Variants in FAM83H observed in about 807,000 individuals in gnomAD.
FAM83H encodes the protein protein FAM83H.
Under a neutral mutation model 30.2 loss-of-function variants are expected in FAM83H, and 24 were observed. The observed-to-expected ratio is 0.79, with a 90% CI of 0.57 to 1.12. FAM83H has a LOEUF of 1.12. Among genes scored for constraint, FAM83H ranks in the 50% most tolerant of loss-of-function variants. FAM83H has a pLI of 0.00. For synonymous variants in FAM83H, 1,013 were observed against 821.7 expected, an observed-to-expected ratio of 1.23 and a Z score of -3.98; for missense variants, 2,038 against 1,773.9, an observed-to-expected ratio of 1.15 and a Z score of -2.67.
At position 143,728,297 on chromosome 8, in the gene FAM83H, C is replaced by T. The variant is rs1248036038; in HGVS notation, c.1164G>A (p.Gly388=). The T allele has an allele frequency of 4.7e-6, 7 of 1,476,530 alleles. No homozygotes were observed. In the East Asian group the frequency reaches 1.7e-4, roughly 36 times the overall value. The allele number at this position is 1,476,530 out of a possible 1,614,324, so 91.5% of individuals were successfully genotyped here. Residue 388 remains glycine (G), a synonymous_variant, in exon 5 of 5, where the codon GGG becomes GGA. Coordinates refer to ENST00000388913, the MANE Select transcript of FAM83H (RefSeq NM_198488.5). ...RRLEAEAGPA[G]ELAGARGFFQ... Reference sequence around the variant, plus strand: ...AGAAGCCCCGCGCGCCCGCGAGCTCCCCAGCCGGCCCGGCCTCGGCCTCCA... The same window carrying T: ...AGAAGCCCCGCGCGCCCGCGAGCTCTCCAGCCGGCCCGGCCTCGGCCTCCA...
In FAM83H at chr8:143,730,547, G is replaced by C. The variant is rs578070840; in HGVS notation, c.36C>G (p.Asp12Glu). ...ARRSQSSSQGDNPLAPGYLPP... is the reference protein window; with the variant it reads ...ARRSQSSSQGENPLAPGYLPP... ...GCAGGTACCCGGGTGCCAGTGGGTT[G>C]TCCCCCTGCGAGGAGCTCTGAGAGC... is the stretch of plus-strand genomic sequence containing the variant. Residue 12 changes from aspartate to glutamate, a missense_variant, in exon 2 of 5, where the codon GAC becomes GAG. Asp to Glu is a conservative substitution (Grantham distance 45). Transcript: ENST00000388913. 7.7e-6 allele frequency: 12 copies of C among 1,566,888 alleles called. No individual in the cohort carries two copies. The Admixed American group carries it at 1.0e-4, about 14-fold the overall frequency.
intron 1 of FAM83H, chr8:143,731,445 C>A: frequency 2.0e-6 from 2 of 985,404 alleles, no homozygotes; most frequent in Non-Finnish European, 2.4e-6. Context: ...TTAAGCCCCA[C>A]ACATAGTCCC....
rs997127116 is a variant in FAM83H at position 143,725,866 on chromosome 8, G to A, written c.*55C>T. The A allele has an allele frequency of 4.4e-6, 7 of 1,596,464 alleles. No individual in the cohort carries two copies. Among genetic ancestry groups the A allele is most frequent in the Non-Finnish European group, 6.0e-6 (7 of 1,170,944 alleles). On this transcript the variant is annotated 3_prime_UTR_variant, in exon 5 of 5. Coordinates refer to ENST00000388913, the MANE Select transcript of FAM83H (RefSeq NM_198488.5). Reference sequence around the variant, plus strand: ...GGGCTCTCTGTTCCGCGGGGCTTCTGGATGACCGGGGCAGCGATGCGGGCA... The same window carrying A: ...GGGCTCTCTGTTCCGCGGGGCTTCTAGATGACCGGGGCAGCGATGCGGGCA...
intron 1 of FAM83H, among the ~76,000 whole-genome samples, chr8:143,731,105 AAAAAT>A (rs1236061808): frequency 2.2e-5 from 2 of 90,002 alleles, no homozygotes; most frequent in East Asian, 6.6e-4. Context: ...TACAAAAAAT[AAAAAT>A]AAAACGAACC....
rs1818240873 is a variant in FAM83H, at chr8:143,725,167, G to GGGA, written c.*753_*754insTCC. On this transcript the variant is annotated 3_prime_UTR_variant, in exon 5 of 5. Coordinates refer to ENST00000388913, the MANE Select transcript of FAM83H (RefSeq NM_198488.5). The stretch of plus-strand genomic sequence containing the variant: ...GGGGAGGGGGGAGACGGGGGGGGGG[G>GGGA]GGGGGGAGGGAAGGAGGAGACCTTG... The GGGA allele has an allele frequency of 3.7e-5, 5 of 133,428 alleles. No homozygotes were observed. Among genetic ancestry groups the GGGA allele is most frequent in the Admixed American group, 7.4e-5 (1 of 13,528 alleles). The allele number at this position is 133,428 out of a possible 1,614,324, so 8.3% of individuals were successfully genotyped here.
At chr8:143,732,264 A>G in intron 1 of FAM83H, 5 of 985,282 alleles carry the variant, frequency 5.1e-6, no homozygotes, top group Non-Finnish European at 6.0e-6. Flanking sequence ...CTGTCCCAAC[A>G]TTTCTTTGTT....
rs782053539 is a variant in FAM83H at position 143,728,169 on chromosome 8, C to G, written c.1292G>C (p.Arg431Pro). 6 of 1,607,306 alleles carry G rather than the reference C, an allele frequency of 3.7e-6. No individual in the cohort carries two copies. The highest frequency in any genetic ancestry group is 4.2e-6 in the Non-Finnish European group (5 of 1,178,960). Residue 431 changes from arginine to proline, a missense_variant, in exon 5 of 5, where the codon CGG becomes CCG. Coordinates refer to ENST00000388913, the MANE Select transcript of FAM83H (RefSeq NM_198488.5). ...ENFAAARQVS[R>P]QTFLSHGDDF... Reference sequence around the variant, plus strand: ...GTCGCCGTGGCTGAGGAACGTCTGCCGCGACACCTGCCGCGCGGCCGCGAA... The same window carrying G: ...GTCGCCGTGGCTGAGGAACGTCTGCGGCGACACCTGCCGCGCGGCCGCGAA...
chr8:143,730,656 C>G lies in FAM83H; in HGVS notation c.-15-59G>C, dbSNP rs139388524. On this transcript the variant is annotated intron_variant, in intron 1 of 4. Transcript: ENST00000388913. ...GGGGCACTGGGACCACTCCTACCCT[C>G]GAGCATGGACACACTGTGGAAAGGG... 8.1e-4 allele frequency: 967 copies of G among 1,190,952 alleles called. 6 individuals are homozygous for G. The African/African-American group carries it at 0.013, about 16-fold the overall frequency. 73.8% of individuals were successfully genotyped at this position (1,190,952 alleles called of 1,614,324 possible).
At position 143,726,600 on chromosome 8, in the gene FAM83H, C is replaced by A; in HGVS notation, c.2861G>T (p.Gly954Val). The A allele has an allele frequency of 6.2e-7, 1 of 1,601,428 alleles. No homozygotes were observed. Among genetic ancestry groups the A allele is most frequent in the East Asian group, 2.2e-5 (1 of 44,828 alleles). ...CAGGACTTCCATGGGGCCGCTCGGC[C>A]CCTCCTCCGCGGGCCCGGCCTTCGG... is the stretch of plus-strand genomic sequence containing the variant. ...ESPKAGPAEEGPSGPMEVLRK... is the reference protein window; with the variant it reads ...ESPKAGPAEEVPSGPMEVLRK... Residue 954 changes from glycine to valine, a missense_variant, in exon 5 of 5, where the codon GGG (glycine) becomes GTG (valine). By Grantham distance (109) the Gly-to-Val change is moderately radical (BLOSUM62 -3). Transcript: ENST00000388913.
At chr8:143,728,771 C>T in intron 4 of FAM83H, 48 bp from the exon 5 acceptor site, 2 of 1,598,444 alleles carry the variant, frequency 1.3e-6, no homozygotes, top group East Asian at 2.2e-5. Flanking sequence ...AGCGAGGGCA[C>T]TGCAGCCCCG....
Position 143,726,331 on chromosome 8 carries a change from G to A in FAM83H, c.3130C>T (p.Leu1044=). The change falls in exon 5 of 5, where the codon CTG becomes TTG. Residue 1044 remains leucine, a synonymous_variant. Transcript: ENST00000388913. ...SNLRDDTKAI[L]EQISAHGQKH... is the part of the protein sequence containing the mutation. ...TGGCCGTGGGCACTGATCTGCTCCA[G>A]AATGGCCTTCGTGTCATCCCGAAGG... The A allele has an allele frequency of 6.2e-7, 1 of 1,612,258 alleles. No homozygotes were observed.
At position 143,728,370 on chromosome 8, in the gene FAM83H, C is replaced by T. The variant is rs1554623350; in HGVS notation, c.1091G>A (p.Gly364Glu). 1.3e-6 allele frequency: 2 copies of T among 1,544,022 alleles called. No homozygotes were observed. Among genetic ancestry groups the T allele is most frequent in the East Asian group, 2.5e-5 (1 of 40,582 alleles). ...FRREEPPRMP[G>E]GALEPHAGLR... ...CCCCGCGTGCGGTTCCAGCGCGCCC[C>T]CCGGCATCCGCGGCGGCTCCTCCCG... Residue 364 changes from glycine (G) to glutamate (E), a missense_variant, in exon 5 of 5, where the codon GGG becomes GAG. Physicochemically the swap from Gly to Glu is moderately conservative, Grantham distance 98. Coordinates refer to ENST00000388913, the MANE Select transcript of FAM83H (RefSeq NM_198488.5).
Position 143,733,521 on chromosome 8 carries a change from G to A in FAM83H, c.-16+170C>T, listed in dbSNP as rs1257565856. On this transcript the variant is annotated intron_variant, in intron 1 of 4. Coordinates refer to ENST00000388913, the MANE Select transcript of FAM83H (RefSeq NM_198488.5). This position sits in a 1 kb window ranked among gnomAD's most constrained non-coding sequence, Gnocchi z 5.6. ...CGGCGCCCCCTGTCCGAGCAGCCCC[G>A]CCACCCCGGCCCCGCGCACGCGGCC... Among the ~76,000 whole-genome samples the A allele has an allele frequency of 1.6e-4, 25 of 151,748 alleles. No homozygotes were observed. The highest frequency in any genetic ancestry group is 2.7e-4 in the Non-Finnish European group (18 of 67,844).
Position 143,727,606 on chromosome 8 carries a change from G to T in FAM83H, c.1855C>A (p.Arg619=). The T allele has an allele frequency of 6.3e-7, 1 of 1,579,552 alleles. No homozygotes were observed. The highest frequency in any genetic ancestry group is 1.7e-5 in the Admixed American group (1 of 57,714). Residue 619 remains arginine (R), a synonymous_variant, in exon 5 of 5, where the codon CGG becomes AGG. Transcript: ENST00000388913. ...GGGAGCAGGTCGCCGGCAGGTGCCC[G>T]GCCCCCGGGAGCCAGCACGTCGTCT... The part of the protein sequence containing the change: ...YEDDVLAPGG[R]APAGDLLPSA...
At position 143,726,475 on chromosome 8, in the gene FAM83H, G is replaced by T. The variant is rs1554621817; in HGVS notation, c.2986C>A (p.Pro996Thr). The change falls in exon 5 of 5, where the codon CCC becomes ACC. Residue 996 changes from proline to threonine, a missense_variant. Physicochemically the swap from Pro to Thr is conservative, Grantham distance 38. Transcript: ENST00000388913. ...AGTGACAGACGCCGCGGGCTCTCGGGTTGGCCGTTCTCCTGCGGCACTGGG... is the reference window on the plus strand; with the variant it reads ...AGTGACAGACGCCGCGGGCTCTCGGTTTGGCCGTTCTCCTGCGGCACTGGG... ...GFPVPQENGQ[P>T]ESPRRLSLGQ... 1 of 1,604,016 alleles carries T rather than the reference G, an allele frequency of 6.2e-7. No homozygotes were observed. The highest frequency in any genetic ancestry group is 1.7e-5 in the Admixed American group (1 of 59,662).
At chr8:143,729,807 T>C (rs1554623911) in intron 2 of FAM83H, among the ~76,000 whole-genome samples, 3 of 152,184 alleles carry the variant, frequency 2.0e-5, no homozygotes, top group African/African-American at 7.2e-5. Flanking sequence ...TGTTTGGTGA[T>C]GGTTAGAAGC....
At chr8:143,732,892 G>A (rs558831028) in intron 1 of FAM83H, among the ~76,000 whole-genome samples, 1 of 151,902 alleles carries the variant, frequency 6.6e-6, no homozygotes, top group African/African-American at 2.4e-5. Flanking sequence ...CCTCTGACTC[G>A]AAGTCAGGGC....
At chr8:143,729,371 C>T in intron 2 of FAM83H, 48 bp from the exon 3 acceptor site, 1 of 1,605,374 alleles carries the variant, frequency 6.2e-7, no homozygotes, top group Non-Finnish European at 8.5e-7. Context: ...GCTGTCCCCA[C>T]ACCATTGTCC....
chr8:143,727,581 G>C lies in FAM83H; in HGVS notation c.1880C>G (p.Pro627Arg). The change falls in exon 5 of 5, where the codon CCC becomes CGC. Residue 627 changes from proline to arginine, a missense_variant. Transcript: ENST00000388913. The part of the protein sequence containing the change: ...GGRAPAGDLL[P>R]SAFRVPAAFP... Reference sequence around the variant, plus strand: ...GGCTGCTGGGACGCGGAAGGCCGAGGGGAGCAGGTCGCCGGCAGGTGCCCG... The same window carrying C: ...GGCTGCTGGGACGCGGAAGGCCGAGCGGAGCAGGTCGCCGGCAGGTGCCCG... 6.3e-7 allele frequency: 1 copy of C among 1,586,980 alleles called. No homozygotes were observed. Among genetic ancestry groups the C allele is most frequent in the Non-Finnish European group, 8.5e-7 (1 of 1,173,536 alleles).
Sources: gnomAD v4.1 joint callset for allele counts (sites outside exome capture counted in the v4.1 genomes callset) on GRCh38, gnomAD v4.1.1 for gene constraint, Gnocchi (gnomAD v3.1) non-coding constraint, MANE v1.5 for transcripts, NCBI Gene and HGNC (gene_info 2026-07-23, HGNC 2026-07-21) for gene names.